Variants in ZNF438 observed in about 807,000 individuals in gnomAD.
The protein encoded by ZNF438 is zinc finger protein 438.
A neutral mutation model predicts 38.0 loss-of-function variants in ZNF438; 25 were observed. The ratio of observed to expected loss-of-function variants is 0.66; its 90% CI spans 0.48 to 0.92. ZNF438 has a LOEUF of 0.92. ZNF438 is among the 40% of genes least tolerant of loss of function. ZNF438 has a pLI of 0.00. For missense variants in ZNF438, 1,007 were observed against 999.6 expected (o/e 1.01, Z -0.10); for synonymous variants, 372 against 364.1 (o/e 1.02, Z -0.25).
intron 3 of ZNF438, among the ~76,000 whole-genome samples, chr10:30,877,763 C>A (rs929488652): frequency 2.6e-5 from 4 of 152,042 alleles, no homozygotes; most frequent in African/African-American, 9.7e-5. Flanking sequence ...CTGAATAAGA[C>A]AATTCAAATA....
At chr10:30,861,610 T>G (rs1043526257) in intron 4 of ZNF438, among the ~76,000 whole-genome samples, 63 of 152,212 alleles carry the variant, frequency 4.1e-4, no homozygotes, top group African/African-American at 1.4e-3. Context: ...TTAAAAAGCT[T>G]TACCACTTAA....
At chr10:30,894,542 G>T (rs1320593945) in intron 3 of ZNF438, among the ~76,000 whole-genome samples, 1 of 152,134 alleles carries the variant, frequency 6.6e-6, no homozygotes. Flanking sequence ...TCAGGGCTGA[G>T]GACAGTGAAT....
At position 31,010,678 on chromosome 10, in the gene ZNF438, G is replaced by A. The variant is rs370230203; in HGVS notation, c.-192+21155C>T. Among the ~76,000 whole-genome samples, 20 of 152,112 alleles carry A rather than the reference G, an allele frequency of 1.3e-4. No homozygotes were observed. In the East Asian group the frequency reaches 3.5e-3, roughly 26 times the overall value. On this transcript the variant is annotated intron_variant, in intron 1 of 5. Transcript: ENST00000413025. Reference sequence around the variant, plus strand: ...GAGAAGGGAGGACAGCTTGAGGCCAGGAGTTTTAGATCAGCCTGGGCAACA... The same window carrying A: ...GAGAAGGGAGGACAGCTTGAGGCCAAGAGTTTTAGATCAGCCTGGGCAACA...
At position 30,930,598 on chromosome 10, in the gene ZNF438, G is replaced by A. The variant is rs73252625; in HGVS notation, c.-115+10977C>T. 1.9e-3 allele frequency among the ~76,000 whole-genome samples: 289 copies of A among 151,808 alleles called. 1 individual carries two copies. The highest frequency in any genetic ancestry group is 6.5e-3 in the African/African-American group (271 of 41,416). The stretch of plus-strand genomic sequence containing the variant: ...CTGCTGGCATGTTGTCACCTCTCAA[G>A]ACCCTCCTGACCAACATGGTGAAAC... On this transcript the variant is annotated intron_variant, in intron 2 of 5. Transcript: ENST00000413025.
intron 1 of ZNF438, among the ~76,000 whole-genome samples, chr10:30,965,685 T>G (rs1418246575): frequency 1.3e-5 from 2 of 152,186 alleles, no homozygotes; most frequent in Admixed American, 1.3e-4. Context: ...ATGTCCTCAC[T>G]TATAAGTGGG....
Position 30,998,540 on chromosome 10 carries a change from CAAAAAAAAAAAAAAAAAAAAAAAAAAAA to C in ZNF438, c.-192+33265_-192+33292del, listed in dbSNP as rs55838240. Among the ~76,000 whole-genome samples, 21 of 33,910 alleles carry C rather than the reference CAAAAAAAAAAAAAAAAAAAAAAAAAAAA, an allele frequency of 6.2e-4. 1 individual carries two copies. Among genetic ancestry groups the C allele is most frequent in the East Asian group, 5.6e-3 (5 of 892 alleles). 22.2% of individuals were successfully genotyped at this position (33,910 alleles called of 152,430 possible). ...CCTGGGTGACAGAGAGAGACTGTCT[CAAAAAAAAAAAAAAAAAAAAAAAAAAAA>C]AAAAAAAAAAAAAAAAAAATCAAGT... is the stretch of plus-strand genomic sequence containing the variant. On this transcript the variant is annotated intron_variant, in intron 1 of 5. Transcript: ENST00000413025.
At chr10:30,992,699 C>CTGTAATT (rs1247552691) in intron 1 of ZNF438, among the ~76,000 whole-genome samples, 3 of 152,222 alleles carry the variant, frequency 2.0e-5, no homozygotes, top group African/African-American at 7.2e-5. Flanking sequence ...AGGCGTGAGC[C>CTGTAATT]ACCGTGCCCA....
At chr10:31,009,825 C>T (rs2055496093) in intron 1 of ZNF438, among the ~76,000 whole-genome samples, 1 of 151,496 alleles carries the variant, frequency 6.6e-6, no homozygotes, top group Admixed American at 6.6e-5. Flanking sequence ...TAGGCCATCA[C>T]CTGGTTCTTA....
intron 4 of ZNF438, among the ~76,000 whole-genome samples, chr10:30,853,991 T>C (rs991570425): frequency 3.3e-5 from 5 of 150,700 alleles, no homozygotes; most frequent in Non-Finnish European, 7.4e-5. Context: ...TGAGACTACA[T>C]CTCCAATGAA....
At chr10:30,879,887 A>G (rs1364638984) in intron 3 of ZNF438, among the ~76,000 whole-genome samples, 4 of 152,180 alleles carry the variant, frequency 2.6e-5, no homozygotes, top group Non-Finnish European at 1.5e-5. Flanking sequence ...GAGAGATGGA[A>G]GGGCAAAAAA....
intron 1 of ZNF438, among the ~76,000 whole-genome samples, chr10:30,948,055 T>A (rs953056231): frequency 1.3e-5 from 2 of 151,994 alleles, no homozygotes; most frequent in Non-Finnish European, 2.9e-5. Context: ...GAGATCTCAG[T>A]ACGGGCAGAC....
chr10:30,886,719 A>C (rs2039994717), intron 3 of ZNF438, among the ~76,000 whole-genome samples: 1 of 152,250 alleles, frequency 6.6e-6, no homozygotes, highest in African/African-American at 2.4e-5. Context: ...TACTGAATGC[A>C]CATGGCTTTC....
chr10:30,911,783 T>C (rs1416390415), intron 2 of ZNF438, among the ~76,000 whole-genome samples: 1 of 152,086 alleles, frequency 6.6e-6, no homozygotes, highest in East Asian at 1.9e-4. Flanking sequence ...TCACCTTCAT[T>C]TTCCAAAGGA....
At chr10:30,863,854 C>T (rs1423708477) in intron 4 of ZNF438, among the ~76,000 whole-genome samples, 1 of 152,218 alleles carries the variant, frequency 6.6e-6, no homozygotes, top group Non-Finnish European at 1.5e-5. Flanking sequence ...TCTCCACTTC[C>T]ACCGCCTGTT....
intron 4 of ZNF438, among the ~76,000 whole-genome samples, chr10:30,875,134 G>A (rs1055734722): frequency 1.3e-5 from 2 of 152,142 alleles, no homozygotes; most frequent in African/African-American, 4.8e-5. Flanking sequence ...AGGTTTACTT[G>A]AGCTCTGGGT....
chr10:30,923,486 T>A (rs1415153519), intron 2 of ZNF438: 1 of 152,230 alleles, frequency 6.6e-6, no homozygotes, highest in African/African-American at 2.4e-5. Context: ...TTTCCCATTT[T>A]GTGTATGATG....
chr10:30,886,053 C>T (rs2039910131), intron 3 of ZNF438, among the ~76,000 whole-genome samples: 1 of 152,156 alleles, frequency 6.6e-6, no homozygotes, highest in African/African-American at 2.4e-5. Context: ...ATTACTGATA[C>T]TCAACTATGG....
intron 4 of ZNF438, among the ~76,000 whole-genome samples, chr10:30,873,988 CA>C (rs1378310038): frequency 6.6e-6 from 1 of 151,820 alleles, no homozygotes; most frequent in Non-Finnish European, 1.5e-5. Flanking sequence ...TTAAATAAAT[CA>C]ATCTGCATTT....
At chr10:30,866,845 AC>A (rs1393447334) in intron 4 of ZNF438, among the ~76,000 whole-genome samples, 10 of 142,736 alleles carry the variant, frequency 7.0e-5, no homozygotes, top group African/African-American at 2.3e-4. Context: ...AAAAAAAAAA[AC>A]CAAAAACGAA....
Sources: allele counts gnomAD v4.1 joint callset (sites outside exome capture counted in the v4.1 genomes callset), GRCh38; gene constraint gnomAD v4.1.1; transcripts MANE v1.5; gene names NCBI Gene and HGNC (gene_info 2026-07-23, HGNC 2026-07-21).